Variants in MCF2L observed in about 807,000 individuals in gnomAD.
The protein encoded by MCF2L is MCF.2 cell line derived transforming sequence like, also known as guanine nucleotide exchange factor DBS.
Under a neutral mutation model 153.4 loss-of-function variants are expected in MCF2L, and 97 were observed. The ratio of observed to expected loss-of-function variants is 0.63; its 90% confidence interval spans 0.54 to 0.75. MCF2L has a LOEUF of 0.75. Among genes scored for constraint, MCF2L ranks in the 30% least tolerant of loss-of-function variants. The pLI is 0.00. For missense variants in MCF2L, 1,347 were observed against 1,495.2 expected, an observed-to-expected ratio of 0.90 and a Z score of 1.64; for synonymous variants, 659 against 632.2, an observed-to-expected ratio of 1.04 and a Z score of -0.64.
chr13:113,018,913 G>A (rs2084706328), intron 2 of MCF2L, among the ~76,000 whole-genome samples: 2 of 152,194 alleles, frequency 1.3e-5, no homozygotes, highest in South Asian at 2.1e-4. Context: ...CATGGTCAGC[G>A]GTGGCCATCA....
chr13:112,917,888 C>T (rs998598241), intron 2 of MCF2L, among the ~76,000 whole-genome samples: 2 of 151,948 alleles, frequency 1.3e-5, no homozygotes, highest in Admixed American at 1.3e-4. Context: ...ACCTGCCCAC[C>T]CCCCTGCTCC....
chr13:112,981,030 C>T (rs374806485), intron 1 of MCF2L, among the ~76,000 whole-genome samples: 2 of 151,126 alleles, frequency 1.3e-5, no homozygotes, highest in African/African-American at 2.4e-5. Context: ...GACTCTGACA[C>T]GTCCCTTTCC....
At chr13:113,009,467 A>G (rs148349767) in intron 1 of MCF2L, 2 of 152,256 alleles carry the variant, frequency 1.3e-5, no homozygotes, top group Non-Finnish European at 1.5e-5. Context: ...TAAACCTTAA[A>G]CATCGGGAAT....
chr13:112,918,627 A>G (rs2081321143), intron 2 of MCF2L, among the ~76,000 whole-genome samples: 1 of 152,302 alleles, frequency 6.6e-6, no homozygotes, highest in South Asian at 2.1e-4. Flanking sequence ...GGAAGATTCC[A>G]GTGATGAACA....
chr13:112,939,163 A>G (rs987707718), intron 2 of MCF2L, among the ~76,000 whole-genome samples: 8 of 152,222 alleles, frequency 5.3e-5, no homozygotes, highest in African/African-American at 1.9e-4. Flanking sequence ...CATCTGTGAC[A>G]CTTCACAGAA....
At position 113,035,215 on chromosome 13, in the gene MCF2L, G is replaced by A. The variant is rs114014550; in HGVS notation, c.279-10056G>A. The stretch of plus-strand genomic sequence containing the variant: ...GGCGGCTTCTCTGGGTGACTCTGAC[G>A]CTCTCATTGCTTCACGTTTAATTTT... On this transcript the variant is annotated intron_variant, in intron 3 of 29. Coordinates refer to ENST00000535094, the MANE Select transcript of MCF2L (RefSeq NM_001112732.3). The surrounding 1 kb of genome is among the most constrained non-coding windows in gnomAD (Gnocchi z 4.4). Among the ~76,000 whole-genome samples the A allele has an allele frequency of 4.1e-3, 624 of 152,286 alleles. 3 individuals carry two copies. The highest frequency in any genetic ancestry group is 0.014 in the African/African-American group (599 of 41,548).
rs944697337 is a variant in MCF2L at position 113,035,335 on chromosome 13, G to A, written c.279-9936G>A. Among the ~76,000 whole-genome samples, 1 of 152,146 alleles carries A rather than the reference G, an allele frequency of 6.6e-6. No individual in the cohort carries two copies. The highest frequency in any genetic ancestry group is 2.4e-5 in the African/African-American group (1 of 41,424). On this transcript the variant is annotated intron_variant, in intron 3 of 29. Coordinates refer to ENST00000535094, the MANE Select transcript of MCF2L (RefSeq NM_001112732.3). This position sits in a 1 kb window ranked among gnomAD's most constrained non-coding sequence, Gnocchi z 4.4. Reference sequence around the variant, plus strand: ...AAACCCTAATAAATGACCCTACTCAGGTAAGACGTCCTGACAGTGAGGTTT... The same window carrying A: ...AAACCCTAATAAATGACCCTACTCAAGTAAGACGTCCTGACAGTGAGGTTT...
intron 2 of MCF2L, among the ~76,000 whole-genome samples, chr13:113,016,597 C>T (rs2084530045): frequency 1.3e-5 from 2 of 151,994 alleles, no homozygotes; most frequent in African/African-American, 4.8e-5. Context: ...GATGGAGTCC[C>T]CTGTGGTACT....
Position 113,078,375 on chromosome 13 carries a change from G to C in MCF2L, c.1673G>C (p.Gly558Ala). 1.9e-6 allele frequency: 3 copies of C among 1,613,420 alleles called. No individual in the cohort carries two copies. The highest frequency in any genetic ancestry group is 2.5e-6 in the Non-Finnish European group (3 of 1,179,958). ...TTCTTCCCAACAGGCATTCGGCGAG[G>C]CTCTGAGAACTCCAGCTCCGAGGGC... ...SPCPSPGIRR[G>A]SENSSSEGGA... Residue 558 changes from glycine (G) to alanine (A), a missense_variant, in exon 14 of 30, where the codon GGC (glycine) becomes GCC (alanine). Gly to Ala is a moderately conservative substitution (Grantham distance 60). This residue lies in a region of MCF2L where 820 missense variants were observed against 921.2 expected (regional missense o/e 0.89). Transcript: ENST00000535094.
At chr13:113,015,397 A>G (rs2084441340) in intron 2 of MCF2L, among the ~76,000 whole-genome samples, 5 of 152,210 alleles carry the variant, frequency 3.3e-5, no homozygotes, top group Admixed American at 3.3e-4. Flanking sequence ...GACCCGTCAG[A>G]AAAAACACCA....
At chr13:113,002,530 T>C (rs2083443006) in intron 1 of MCF2L, among the ~76,000 whole-genome samples, 2 of 152,190 alleles carry the variant, frequency 1.3e-5, no homozygotes, top group African/African-American at 4.8e-5. Flanking sequence ...TGGCCAAGCC[T>C]GTGGACCCGG....
At chr13:112,982,733 G>A (rs1191166817) in intron 1 of MCF2L, among the ~76,000 whole-genome samples, 1 of 152,220 alleles carries the variant, frequency 6.6e-6, no homozygotes, top group Non-Finnish European at 1.5e-5. Context: ...AGCAGTGGCT[G>A]AGCCCGTGCT....
At chr13:112,967,517 T>C (rs2081909372), upstream of MCF2L, 2 of 152,258 alleles carry the variant, frequency 1.3e-5, no homozygotes, top group Admixed American at 1.3e-4. Flanking sequence ...ACTTTCTATC[T>C]GGTTATTATG....
chr13:113,002,123 T>G, intron 1 of MCF2L: 10 of 1,019,994 alleles, frequency 9.8e-6, no homozygotes, highest in Non-Finnish European at 6.7e-6. Context: ...GGCTGGGGGA[T>G]GCCGGGGATG....
chr13:112,909,547 G>A (rs1054317233), intron 2 of MCF2L: 27 of 479,362 alleles, frequency 5.6e-5, no homozygotes, highest in Non-Finnish European at 9.0e-5. Flanking sequence ...TGCAGGTAGT[G>A]CTCAGTGGCA....
chr13:113,072,509 C>T (rs2033022546), intron 9 of MCF2L, among the ~76,000 whole-genome samples: 1 of 152,200 alleles, frequency 6.6e-6, no homozygotes, highest in Non-Finnish European at 1.5e-5. Flanking sequence ...ATAAAACTAT[C>T]TGGGCCTAGA....
In MCF2L at chr13:113,016,762, G is replaced by T. The variant is rs529453626; in HGVS notation, c.163+1916G>T. On this transcript the variant is annotated intron_variant, in intron 2 of 29. Coordinates refer to ENST00000535094, the MANE Select transcript of MCF2L (RefSeq NM_001112732.3). ...ATTTCTTCCGCGGGGCTTGTGGCTG[G>T]CCCGGCCCCTCAGGCCTTGCTCAGA... Among the ~76,000 whole-genome samples the T allele has an allele frequency of 6.6e-3, 1,006 of 152,306 alleles. 14 individuals carry two copies. Among genetic ancestry groups the T allele is most frequent in the African/African-American group, 0.022 (927 of 41,578 alleles).
intron 9 of MCF2L, among the ~76,000 whole-genome samples, chr13:113,073,291 A>G (rs2033105505): frequency 2.0e-5 from 3 of 152,156 alleles, no homozygotes; most frequent in African/African-American, 4.8e-5. Context: ...GTATTCTGCT[A>G]TTGTTAGGTG....
intron 2 of MCF2L, among the ~76,000 whole-genome samples, chr13:113,015,736 G>A (rs1292035058): frequency 6.6e-6 from 1 of 152,226 alleles, no homozygotes; most frequent in Non-Finnish European, 1.5e-5. Context: ...GCAACATGAT[G>A]GCCAGAGGAG....
Sources: gnomAD v4.1 joint callset for allele counts (sites outside exome capture counted in the v4.1 genomes callset) on GRCh38, gnomAD v4.1.1 for gene constraint, gnomAD v4.1.1 regional missense constraint, Gnocchi (gnomAD v3.1) non-coding constraint, MANE v1.5 for transcripts, NCBI Gene and HGNC (gene_info 2026-07-23, HGNC 2026-07-21) for gene names.